TM6SF2: variants seen among roughly 807,000 people sequenced by gnomAD.
TM6SF2 encodes transmembrane 6 superfamily member 2.
Under a neutral mutation model 41.0 loss-of-function variants are expected in TM6SF2, and 29 were observed. The ratio of observed to expected loss-of-function variants is 0.71; its 90% CI spans 0.53 to 0.96. TM6SF2 has a LOEUF of 0.96. Among genes scored for constraint, TM6SF2 ranks in the 50% least tolerant of loss-of-function variants. The probability of loss-of-function intolerance (pLI) is 0.00; values close to 1 mark genes in which losing one functional copy is unlikely to be tolerated. For synonymous variants in TM6SF2, 200 were observed against 209.1 expected, an observed-to-expected ratio of 0.96 and a Z score of 0.37; for missense variants, 475 against 499.0, an observed-to-expected ratio of 0.95 and a Z score of 0.46.
At chr19:19,264,977 C>G in intron 9 of TM6SF2, 104 bp from the exon 10 acceptor site, 2 of 631,112 alleles carry the variant, frequency 3.2e-6, no homozygotes, top group Non-Finnish European at 5.0e-6. Context: ...CCAGGGGATG[C>G]CCATCCCCAC....
chr19:19,266,710 G>C, intron 8 of TM6SF2, 101 bp from the exon 9 acceptor site: 1 of 1,439,014 alleles, frequency 6.9e-7, no homozygotes, highest in Non-Finnish European at 9.3e-7. Flanking sequence ...GGAAGGATCT[G>C]GATGGCCTCA....
chr19:19,269,840 A>C (rs1445418428), intron 4 of TM6SF2, 71 bp from the exon 5 acceptor site: 6 of 1,608,172 alleles, frequency 3.7e-6, no homozygotes, highest in Non-Finnish European at 2.5e-6. Context: ...CAGGGCCTGG[A>C]GACCACCGTG....
chr19:19,268,625 C>T lies in TM6SF2; in HGVS notation c.609+5G>A. The T allele has an allele frequency of 6.3e-7, 1 of 1,579,264 alleles. No individual in the cohort carries two copies. Among genetic ancestry groups the T allele is most frequent in the Middle Eastern group, 1.7e-4 (1 of 5,954 alleles). On this transcript the variant is annotated splice_donor_5th_base_variant and intron_variant, in intron 6 of 9. Transcript: ENST00000389363. ...GACAAGGCCTAAGAGGGGTAAGGCA[C>T]TCACCATGTTGGCGGTGCAGCGGGT...
At chr19:19,269,089 A>G (rs1380673672) in intron 5 of TM6SF2, among the ~76,000 whole-genome samples, 1 of 151,814 alleles carries the variant, frequency 6.6e-6, no homozygotes, top group Non-Finnish European at 1.5e-5. Flanking sequence ...TGAGCAACAT[A>G]AGGATTACAG....
At chr19:19,270,541 G>A in intron 2 of TM6SF2, 99 bp from the exon 3 acceptor site, 3 of 1,429,482 alleles carry the variant, frequency 2.1e-6, no homozygotes, top group South Asian at 2.6e-5. Context: ...GGTCAGGGAT[G>A]AGATTATTCC....
At position 19,269,761 on chromosome 19, in the gene TM6SF2, T is replaced by C; in HGVS notation, c.410A>G (p.Tyr137Cys). 6.2e-7 allele frequency: 1 copy of C among 1,614,050 alleles called. No individual in the cohort carries two copies. The highest frequency in any genetic ancestry group is 8.5e-7 in the Non-Finnish European group (1 of 1,179,986). The change falls in exon 5 of 10, where the codon TAC becomes TGC. Residue 137 changes from tyrosine to cysteine, a missense_variant. This residue lies in a region of TM6SF2 where 238 missense variants were observed against 228.6 expected (regional missense o/e 1.04). Coordinates refer to ENST00000389363, the MANE Select transcript of TM6SF2 (RefSeq NM_001001524.3). ...MAGAICRRKR[Y>C]RNFGLYWLGS... ...CAGCCAGTAGAGTCCAAAATTCCGG[T>C]ATCTCTTCCTGAGCAGGGGATGGAG...
chr19:19,272,436 G>A (rs1415314032), intron 1 of TM6SF2, among the ~76,000 whole-genome samples: 1 of 152,208 alleles, frequency 6.6e-6, no homozygotes, highest in African/African-American at 2.4e-5. Context: ...AGGAGATGGA[G>A]ATGGGTATTC....
At position 19,267,964 on chromosome 19, in the gene TM6SF2, A is replaced by G. The variant is rs1219511944; in HGVS notation, c.711+22T>C. 5 of 1,589,166 alleles carry G rather than the reference A, an allele frequency of 3.1e-6. No homozygotes were observed. The Admixed American group carries it at 5.1e-5, about 16-fold the overall frequency. On this transcript the variant is annotated intron_variant, in intron 7 of 9. Coordinates refer to ENST00000389363, the MANE Select transcript of TM6SF2 (RefSeq NM_001001524.3). ...GGGAGACTGGTGGCAGGGGAGGGGG[A>G]GACCAACCAGCGCAGACTCACCAGG...
chr19:19,271,867 TTA>T (rs1229595302), intron 1 of TM6SF2, among the ~76,000 whole-genome samples: 1 of 152,118 alleles, frequency 6.6e-6, no homozygotes, highest in Non-Finnish European at 1.5e-5. Context: ...CCATCATTTG[TTA>T]TGTGTTTGAC....
At chr19:19,273,056 AGTC>A in intron 1 of TM6SF2, 62 bp downstream of exon 1, 7 of 362,188 alleles carry the variant, frequency 1.9e-5, no homozygotes, top group Admixed American at 1.1e-4. Context: ...GCCCACCTCC[AGTC>A]CTCCCCGCCC....
chr19:19,269,925 CAG>C (rs2061016817), intron 4 of TM6SF2, 156 bp from the exon 5 acceptor site: 1 of 1,508,492 alleles, frequency 6.6e-7, no homozygotes. Flanking sequence ...GGGGAAATAA[CAG>C]TGAGACCCTC....
chr19:19,273,174 C>T lies in TM6SF2; in HGVS notation c.42G>A (p.Ser14=), dbSNP rs1291804079. The change falls in exon 1 of 10, where the codon TCG becomes TCA. Residue 14 remains serine (S), a synonymous_variant. Transcript: ENST00000389363. ...PPLAGKIAAL[S]LSALPVSYAL... ...CGTAGGACACCGGGAGGGCGCTCAG[C>T]GACAGCGCCGCGATCTTGCCGGCCA... 2.7e-6 allele frequency: 4 copies of T among 1,472,730 alleles called. No individual in the cohort carries two copies. Among genetic ancestry groups the T allele is most frequent in the Non-Finnish European group, 3.6e-6 (4 of 1,117,858 alleles). 91.2% of individuals were successfully genotyped at this position (1,472,730 alleles called of 1,614,324 possible).
At chr19:19,270,032 T>G in intron 4 of TM6SF2, 141 bp downstream of exon 4, 1 of 1,522,490 alleles carries the variant, frequency 6.6e-7, no homozygotes. Flanking sequence ...AACCTTCTCC[T>G]GGCCACCCCT....
intron 1 of TM6SF2, 56 bp downstream of exon 1, chr19:19,273,065 C>CCCCCCCCCCCCCCCCCCCCCCT: frequency 2.2e-6 from 1 of 451,458 alleles, no homozygotes. Context: ...CAGTCCTCCC[C>CCCCCCCCCCCCCCCCCCCCCCT]GCCCCCGCCC....
chr19:19,270,398 C>CGAT lies in TM6SF2; in HGVS notation c.241_243dup (p.Ile81dup), dbSNP rs1568612942. The CGAT allele has an allele frequency of 6.2e-7, 1 of 1,613,594 alleles. No homozygotes were observed. Reference sequence around the variant, plus strand: ...ACCACATAGCTGTCTTCCTGAAGAGCGATGATGAGGTCCACAACCGAGGTG... The same window carrying CGAT: ...ACCACATAGCTGTCTTCCTGAAGAGCGATGATGATGAGGTCCACAACCGAGGTG... On this transcript the variant is annotated inframe_insertion, in exon 3 of 10. Transcript: ENST00000389363.
chr19:19,266,750 C>T, intron 8 of TM6SF2, 141 bp from the exon 9 acceptor site: 2 of 962,742 alleles, frequency 2.1e-6, no homozygotes, highest in South Asian at 1.7e-5. Flanking sequence ...GCAAAGTGCT[C>T]CTCTATTTCC....
chr19:19,271,592 G>A (rs1198367904), intron 1 of TM6SF2, among the ~76,000 whole-genome samples: 1 of 151,480 alleles, frequency 6.6e-6, no homozygotes, highest in Non-Finnish European at 1.5e-5. Flanking sequence ...GTGCAGTGGT[G>A]CAATCTTGGC....
At chr19:19,267,572 GA>G in intron 8 of TM6SF2, 48 bp downstream of exon 8, 2 of 1,396,114 alleles carry the variant, frequency 1.4e-6, no homozygotes, top group Non-Finnish European at 2.0e-6. Context: ...AGGCCCAGTG[GA>G]CCCCTACCCA....
At chr19:19,271,959 C>T (rs1232010060) in intron 1 of TM6SF2, among the ~76,000 whole-genome samples, 2 of 152,244 alleles carry the variant, frequency 1.3e-5, no homozygotes, top group African/African-American at 2.4e-5. Context: ...CTCGAGTGCT[C>T]AGTTCTGTAG....
Sources: gnomAD v4.1 joint callset for allele counts (sites outside exome capture counted in the v4.1 genomes callset) on GRCh38, gnomAD v4.1.1 for gene constraint, gnomAD v4.1.1 regional missense constraint, MANE v1.5 for transcripts, NCBI Gene and HGNC (gene_info 2026-07-23, HGNC 2026-07-21) for gene names.